The following FBLN7 variants were observed in gnomAD, a reference collection of about 807,000 sequenced individuals.
The protein encoded by FBLN7 is fibulin 7.
In FBLN7, 31 loss-of-function variants were observed where a neutral mutation model predicts 44.0. That is an observed-to-expected ratio of 0.70 (90% CI 0.53 to 0.95). FBLN7 has a LOEUF of 0.95. Ranked by LOEUF, FBLN7 falls within the 40% of genes least tolerant of loss-of-function variation. The pLI is 0.00. For missense variants in FBLN7, 573 were observed against 618.5 expected (o/e 0.93, Z 0.78); for synonymous variants, 262 against 253.4 (o/e 1.03, Z -0.32).
At chr2:112,163,275 G>A (rs543571794) in intron 2 of FBLN7, among the ~76,000 whole-genome samples, 2 of 152,286 alleles carry the variant, frequency 1.3e-5, no homozygotes, top group South Asian at 2.1e-4. Context: ...CTCCTTAATG[G>A]CCTCTGGTCC....
In FBLN7 at chr2:112,187,150, C is replaced by A. The variant is rs200379992; in HGVS notation, c.964C>A (p.Pro322Thr). The A allele has an allele frequency of 1.9e-6, 3 of 1,614,014 alleles. No individual in the cohort carries two copies. In the Admixed American group the frequency reaches 5.0e-5, roughly 27 times the overall value. Residue 322 changes from proline (P) to threonine (T), a missense_variant, in exon 8 of 8, where the codon CCC (proline) becomes ACC (threonine). By Grantham distance (38) the Pro-to-Thr change is conservative. Transcript: ENST00000331203. This position sits in a 1 kb window ranked among gnomAD's most constrained non-coding sequence, Gnocchi z 5.1. ...CCGCTCCAGCCAGTGTGAGCGGAAC[C>A]CCTGCCCCATGGACAGCAGGCCCTG... Reference protein sequence around the residue: ...KTSPFQCERNPCPMDSRPCRH... With the variant: ...KTSPFQCERNTCPMDSRPCRH...
At chr2:112,155,554 C>G (rs921911265) in intron 1 of FBLN7, among the ~76,000 whole-genome samples, 1 of 152,234 alleles carries the variant, frequency 6.6e-6, no homozygotes, top group Non-Finnish European at 1.5e-5. Flanking sequence ...CTCACCTTCC[C>G]TCGGCAAGTC....
chr2:112,180,844 A>G (rs1682946619), intron 4 of FBLN7, among the ~76,000 whole-genome samples: 1 of 140,254 alleles, frequency 7.1e-6, no homozygotes. Flanking sequence ...AATGGCATGA[A>G]CCCGGGAGGC....
chr2:112,195,618 C>G, the FBLN7 span, among the ~76,000 whole-genome samples: 1 of 152,070 alleles, frequency 6.6e-6, no homozygotes, highest in Non-Finnish European at 1.5e-5. Context: ...AGAACATTGC[C>G]CTCTAGGGAG....
At chr2:112,186,078 G>A (rs1199000306) in intron 7 of FBLN7, among the ~76,000 whole-genome samples, 1 of 152,122 alleles carries the variant, frequency 6.6e-6, no homozygotes, top group East Asian at 1.9e-4. Context: ...TAGTGGCACT[G>A]AAGCATGGCA....
At chr2:112,140,187 C>T (rs1680562586) in intron 1 of FBLN7, among the ~76,000 whole-genome samples, 1 of 138,720 alleles carries the variant, frequency 7.2e-6, no homozygotes, top group South Asian at 2.4e-4. Context: ...GCGTCCCTCC[C>T]GCCTCTCTCC....
the FBLN7 span, among the ~76,000 whole-genome samples, chr2:112,200,105 G>GT: frequency 1.3e-5 from 2 of 152,176 alleles, no homozygotes; most frequent in Non-Finnish European, 2.9e-5. Context: ...ACCTGACTTT[G>GT]TTGACTATAT....
rs773014798 is a variant in FBLN7, at chr2:112,185,119, C to T, written c.809-82C>T. ...AGCAGGGAGCACCACATTACAGGAC[C>T]TGCAGGGCCTCTCATGTGGTTCTGT... On this transcript the variant is annotated intron_variant, in intron 6 of 7. Transcript: ENST00000331203. The T allele has an allele frequency of 7.5e-5, 115 of 1,541,832 alleles. 1 individual carries two copies. The highest frequency in any genetic ancestry group is 7.5e-5 in the Non-Finnish European group (85 of 1,132,458).
intron 1 of FBLN7, chr2:112,153,229 T>G (rs902821967): frequency 2.6e-5 from 4 of 152,218 alleles, no homozygotes; most frequent in African/African-American, 9.7e-5. Context: ...CGCTGAAGAC[T>G]CCGAGCCTTG....
chr2:112,161,486 A>G (rs756656115), intron 2 of FBLN7, among the ~76,000 whole-genome samples: 1 of 152,196 alleles, frequency 6.6e-6, no homozygotes, highest in Non-Finnish European at 1.5e-5. Flanking sequence ...TCCATGGTGC[A>G]GGCAGGGTGT....
At chr2:112,227,760 AAAAAGTGTACACTGT>A in the FBLN7 span, among the ~76,000 whole-genome samples, 1 of 152,200 alleles carries the variant, frequency 6.6e-6, no homozygotes, top group African/African-American at 2.4e-5. Flanking sequence ...TAAATTAACA[AAAAAGTGTACACTGT>A]ACACTTGTAC....
At chr2:112,233,341 C>A in the FBLN7 span, 1 of 1,595,414 alleles carries the variant, frequency 6.3e-7, no homozygotes, top group Non-Finnish European at 8.5e-7. Context: ...TTTTCTATCT[C>A]TGCATCATGA....
intron 2 of FBLN7, among the ~76,000 whole-genome samples, 187 bp downstream of exon 2, chr2:112,160,022 G>T (rs564040297): frequency 2.7e-5 from 4 of 150,058 alleles, no homozygotes; most frequent in East Asian, 2.0e-4. Context: ...ACGGAGTCTC[G>T]CTCTGTCGCC....
chr2:112,165,628 T>C (rs1445177087), intron 3 of FBLN7, among the ~76,000 whole-genome samples: 2 of 152,144 alleles, frequency 1.3e-5, no homozygotes, highest in East Asian at 1.9e-4. Context: ...TACTGCAGGA[T>C]GATGCTGCTG....
At chr2:112,206,342 T>C in the FBLN7 span, among the ~76,000 whole-genome samples, 2 of 152,212 alleles carry the variant, frequency 1.3e-5, no homozygotes, top group Non-Finnish European at 2.9e-5. Context: ...CTTTTTTTCA[T>C]TGATTTTGAC....
the FBLN7 span, among the ~76,000 whole-genome samples, chr2:112,243,007 C>G: frequency 6.6e-6 from 1 of 152,278 alleles, no homozygotes; most frequent in South Asian, 2.1e-4. Flanking sequence ...TTGGCAAGAA[C>G]AGCTGCTCAA....
rs374406171 is a variant in FBLN7 at position 112,155,065 on chromosome 2, G to T, written c.76-4611G>T. On this transcript the variant is annotated intron_variant, in intron 1 of 7. Coordinates refer to ENST00000331203, the MANE Select transcript of FBLN7 (RefSeq NM_153214.3). ...GTGGTTGTCTCTGGTTGTGGGACTT[G>T]TTCTTTGTTTGAATGCATTTTTCTG... Among the ~76,000 whole-genome samples the T allele has an allele frequency of 9.2e-5, 14 of 152,312 alleles. No homozygotes were observed. In the East Asian group the frequency reaches 2.7e-3, roughly 29 times the overall value.
the FBLN7 span, among the ~76,000 whole-genome samples, chr2:112,197,266 CACACACACAGAGAGAG>C: frequency 4.2e-4 from 55 of 130,160 alleles, no homozygotes; most frequent in East Asian, 2.0e-3. Context: ...CACACACACA[CACACACACAGAGAGAG>C]AGAGAGAGAG....
chr2:112,202,192 T>C, the FBLN7 span, among the ~76,000 whole-genome samples: 1 of 152,162 alleles, frequency 6.6e-6, no homozygotes, highest in Non-Finnish European at 1.5e-5. Context: ...AACTAGGAGC[T>C]TCCTGCTAAC....
Sources: allele counts gnomAD v4.1 joint callset (sites outside exome capture counted in the v4.1 genomes callset), GRCh38; gene constraint gnomAD v4.1.1; non-coding constraint Gnocchi (gnomAD v3.1); transcripts MANE v1.5; gene names NCBI Gene and HGNC (gene_info 2026-07-23, HGNC 2026-07-21).